The following GPM6A variants were observed in gnomAD, a reference collection of about 807,000 sequenced individuals.
GPM6A encodes glycoprotein M6A, also known as neuronal membrane glycoprotein M6-a.
In GPM6A, 7 loss-of-function variants were observed where a neutral mutation model predicts 32.1. That is an observed-to-expected ratio of 0.22 (90% CI 0.12 to 0.41). GPM6A has a LOEUF of 0.41. Among genes scored for constraint, GPM6A ranks in the 10% least tolerant of loss-of-function variants. The pLI is 1.00. For missense variants in GPM6A, 235 were observed against 347.2 expected, an observed-to-expected ratio of 0.68 and a Z score of 2.57; for synonymous variants, 130 against 123.4, an observed-to-expected ratio of 1.05 and a Z score of -0.35.
At chr4:176,000,293 G>C (rs1741436261) in intron 1 of GPM6A, among the ~76,000 whole-genome samples, 1 of 152,106 alleles carries the variant, frequency 6.6e-6, no homozygotes, top group Non-Finnish European at 1.5e-5. Flanking sequence ...ACAAATTTTA[G>C]GTATCTGTCA....
At chr4:175,733,185 G>A (rs1731506506) in intron 1 of GPM6A, among the ~76,000 whole-genome samples, 1 of 152,012 alleles carries the variant, frequency 6.6e-6, no homozygotes, top group Non-Finnish European at 1.5e-5. Context: ...TGAGAAATAA[G>A]CCTAAGCAGT....
intron 2 of GPM6A, among the ~76,000 whole-genome samples, chr4:175,696,343 A>G (rs75791374): frequency 0.047 from 7,164 of 152,276 alleles, 198 homozygotes; most frequent in Non-Finnish European, 0.063. Flanking sequence ...GAACAAGCTC[A>G]GGGGAGTTTG....
At chr4:175,720,849 A>T (rs1009842800) in intron 1 of GPM6A, among the ~76,000 whole-genome samples, 3 of 151,998 alleles carry the variant, frequency 2.0e-5, no homozygotes, top group African/African-American at 7.2e-5. Flanking sequence ...AAACCTTAGA[A>T]ATGTATTTCA....
chr4:175,857,129 T>C (rs1311443979), intron 1 of GPM6A, among the ~76,000 whole-genome samples: 1 of 152,166 alleles, frequency 6.6e-6, no homozygotes, highest in Non-Finnish European at 1.5e-5. Flanking sequence ...ATCTTCTCAA[T>C]TTTTCTATAA....
intron 1 of GPM6A, among the ~76,000 whole-genome samples, chr4:175,802,810 T>C (rs953754095): frequency 1.8e-4 from 27 of 152,132 alleles, no homozygotes; most frequent in Non-Finnish European, 8.8e-5. Context: ...TCTGACAGTT[T>C]AATGTATTTG....
At chr4:175,761,356 T>G (rs1732732100) in intron 1 of GPM6A, among the ~76,000 whole-genome samples, 1 of 152,146 alleles carries the variant, frequency 6.6e-6, no homozygotes, top group Admixed American at 6.5e-5. Flanking sequence ...CCTCCCAAAG[T>G]GCTGGGATTA....
chr4:175,637,097 A>C (rs1192545410), intron 6 of GPM6A, among the ~76,000 whole-genome samples: 2 of 129,268 alleles, frequency 1.5e-5, no homozygotes, highest in African/African-American at 3.0e-5. Flanking sequence ...AATATATCAT[A>C]TATAATATAT....
At chr4:175,950,506 T>C (rs72704550) in intron 1 of GPM6A, among the ~76,000 whole-genome samples, 2,286 of 152,290 alleles carry the variant, frequency 0.015, 26 homozygotes, top group South Asian at 0.033. Context: ...TAACCATGAC[T>C]TTCCAGGAAA....
At chr4:175,876,153 T>G (rs770829868) in intron 1 of GPM6A, among the ~76,000 whole-genome samples, 1 of 152,150 alleles carries the variant, frequency 6.6e-6, no homozygotes, top group Non-Finnish European at 1.5e-5. Flanking sequence ...CTCTATGTAG[T>G]TTGATTCCCA....
intron 1 of GPM6A, among the ~76,000 whole-genome samples, chr4:175,905,659 CA>C (rs371040595): frequency 2.6e-5 from 4 of 151,998 alleles, no homozygotes; most frequent in African/African-American, 9.7e-5. Flanking sequence ...GCCTTCGGCT[CA>C]AAATAATCCT....
chr4:175,746,933 A>G (rs990156542), intron 1 of GPM6A, among the ~76,000 whole-genome samples: 1 of 152,120 alleles, frequency 6.6e-6, no homozygotes, highest in Non-Finnish European at 1.5e-5. Flanking sequence ...AGATAGTCTA[A>G]ATCTCTTGTC....
intron 1 of GPM6A, among the ~76,000 whole-genome samples, chr4:175,809,784 T>C (rs1200026738): frequency 2.0e-5 from 3 of 152,222 alleles, no homozygotes; most frequent in African/African-American, 7.2e-5. Flanking sequence ...GGATGATCTT[T>C]TTAAATGCTT....
upstream of GPM6A, chr4:175,812,673 G>C (rs1011363270): frequency 4.1e-6 from 4 of 987,632 alleles, no homozygotes; most frequent in Admixed American, 6.1e-5. Context: ...GAAACAGGCT[G>C]AGCTGTGAAC....
chr4:175,729,792 T>A (rs1579435251), intron 1 of GPM6A, among the ~76,000 whole-genome samples: 1 of 133,408 alleles, frequency 7.5e-6, no homozygotes. Context: ...TAATATATTA[T>A]CTATTATATT....
At chr4:175,891,264 C>T (rs1325543682) in intron 1 of GPM6A, among the ~76,000 whole-genome samples, 1 of 152,208 alleles carries the variant, frequency 6.6e-6, no homozygotes, top group Non-Finnish European at 1.5e-5. Flanking sequence ...GCTTTCTTCT[C>T]TCTACTGAAT....
At chr4:175,685,179 G>A (rs542136966) in intron 2 of GPM6A, among the ~76,000 whole-genome samples, 13 of 152,256 alleles carry the variant, frequency 8.5e-5, no homozygotes, top group Admixed American at 5.2e-4. Context: ...GTGAGCCACC[G>A]CGCCTGGCCT....
At chr4:175,821,669 A>G (rs1735282675) in intron 1 of GPM6A, among the ~76,000 whole-genome samples, 1 of 150,730 alleles carries the variant, frequency 6.6e-6, no homozygotes, top group African/African-American at 2.4e-5. Flanking sequence ...AGCTTTGCAT[A>G]TTTTTTTTTG....
At chr4:176,002,365 G>A (rs1741514149), upstream of GPM6A, 3 of 1,567,066 alleles carry the variant, frequency 1.9e-6, no homozygotes, top group South Asian at 2.3e-5. Flanking sequence ...GTGACCAGAC[G>A]CTGCGCGGGG....
intron 1 of GPM6A, among the ~76,000 whole-genome samples, chr4:175,872,434 C>A (rs772767758): frequency 7.2e-5 from 11 of 152,162 alleles, no homozygotes; most frequent in African/African-American, 1.2e-4. Flanking sequence ...CCAGGACACA[C>A]TAAAATATTC....
Sources: gnomAD v4.1 joint callset for allele counts (sites outside exome capture counted in the v4.1 genomes callset) on GRCh38, gnomAD v4.1.1 for gene constraint, MANE v1.5 for transcripts, NCBI Gene and HGNC (gene_info 2026-07-23, HGNC 2026-07-21) for gene names.